Variants in PNMA6E observed in about 807,000 individuals in gnomAD.
PNMA6E encodes the protein PNMA family member 6E.
For synonymous variants in PNMA6E, 43 were observed against 17.1 expected (o/e 2.52, Z -3.74); for missense variants, 78 against 50.8 (o/e 1.53, Z -1.63).
Position 153,398,802 on chromosome X carries a change from G to A in PNMA6E, c.48C>T (p.Asn16=), listed in dbSNP as rs2088829633. 1.3e-5 allele frequency: 4 copies of A among 302,284 alleles called. No homozygotes were observed. The highest frequency in any genetic ancestry group is 9.4e-5 in the East Asian group (2 of 21,171). 24.9% of individuals were successfully genotyped at this position (302,284 alleles called of 1,213,427 possible). ...LRDWCRWMGA[N]AERSLLILGI... is the part of the protein sequence containing the mutation. ...CCAGGATGAGCAGGGAGCGCTCTGC[G>A]TTCGCACCCATCCACCTGCACCAGT... is the stretch of plus-strand genomic sequence containing the variant. The change falls in exon 2 of 2, where the codon AAC becomes AAT. Residue 16 remains asparagine, a synonymous_variant. Coordinates refer to ENST00000445091, the MANE Select transcript of PNMA6E (RefSeq NM_001367770.1).
the PNMA6E span, among the ~76,000 whole-genome samples, chrX:153,406,614 G>A: frequency 2.7e-5 from 3 of 112,973 alleles, no homozygotes; most frequent in African/African-American, 9.6e-5. Flanking sequence ...GGACCTCAGA[G>A]GGGTTTCATC....
the PNMA6E span, among the ~76,000 whole-genome samples, chrX:153,406,689 G>A: frequency 1.8e-5 from 2 of 113,029 alleles, no homozygotes; most frequent in Non-Finnish European, 3.7e-5. Context: ...TGCACGCACA[G>A]ACATGTATTT....
At position 153,397,067 on chromosome X, in the gene PNMA6E, T is replaced by C. The variant is rs981852904; in HGVS notation, c.1783A>G (p.Arg595Gly). 5 of 296,633 alleles carry C rather than the reference T, an allele frequency of 1.7e-5. No homozygotes were observed. The highest frequency in any genetic ancestry group is 4.8e-5 in the East Asian group (1 of 20,977). The allele number at this position is 296,633 out of a possible 1,213,427, so 24.4% of individuals were successfully genotyped here. A position where few individuals can be genotyped will look rare whatever the true frequency, so the allele number is the denominator to read the frequency against. ...RMSSAVWVFPRGLSWGPEGLI... is the reference protein window; with the variant it reads ...RMSSAVWVFPGGLSWGPEGLI... ...CCCTCTGGACCCCAGCTAAGACCTCTTGGGAACACCCAGACAGCACTGCTC... is the reference window on the plus strand; with the variant it reads ...CCCTCTGGACCCCAGCTAAGACCTCCTGGGAACACCCAGACAGCACTGCTC... The change falls in exon 2 of 2, where the codon AGA (arginine) becomes GGA (glycine). Residue 595 changes from arginine to glycine, a missense_variant. Arg to Gly is a moderately radical substitution (Grantham distance 125). Coordinates refer to ENST00000445091, the MANE Select transcript of PNMA6E (RefSeq NM_001367770.1).
At chrX:153,406,927 T>C in the PNMA6E span, among the ~76,000 whole-genome samples, 1 of 111,684 alleles carries the variant, frequency 9.0e-6, no homozygotes, top group Non-Finnish European at 1.9e-5. Flanking sequence ...ACACCGTGAA[T>C]GATGGGAGGT....
chrX:153,403,998 T>G (rs1425923231), upstream of PNMA6E: 1 of 93,206 alleles, frequency 1.1e-5, no homozygotes, highest in Non-Finnish European at 2.2e-5. Flanking sequence ...TTTTTTTTTT[T>G]ACACAGTGTC....
chrX:153,410,068 T>C, the PNMA6E span, among the ~76,000 whole-genome samples: 2 of 111,295 alleles, frequency 1.8e-5, no homozygotes, highest in Non-Finnish European at 3.8e-5. Flanking sequence ...GAGGCCGGAG[T>C]CCAGAATCGG....
chrX:153,403,328 T>C (rs2088862927), upstream of PNMA6E, among the ~76,000 whole-genome samples: 1 of 112,142 alleles, frequency 8.9e-6, no homozygotes, highest in Admixed American at 9.5e-5. Context: ...TTACTTCCAA[T>C]GTTGTTTTTC....
chrX:153,409,126 C>T, the PNMA6E span, among the ~76,000 whole-genome samples: 3 of 113,097 alleles, frequency 2.7e-5, no homozygotes, highest in Non-Finnish European at 5.6e-5. Flanking sequence ...AGCGCCCACT[C>T]CCCTGCCCCC....
rs2088828751 is a variant in PNMA6E, at chrX:153,398,706, C to G, written c.144G>C (p.Arg48Ser). Residue 48 changes from arginine to serine, a missense_variant, in exon 2 of 2, where the codon AGG becomes AGC. Transcript: ENST00000445091. ...TGAAGTGCTTGGTGAGTACTCGGTA[C>G]CTGCCCAGGGGCGACAGGGCAGCCC... ...AVRAALSPLG[R>S]YRVLTKHFRK... 1 of 311,802 alleles carries G rather than the reference C, an allele frequency of 3.2e-6. No homozygotes were observed. Among genetic ancestry groups the G allele is most frequent in the Non-Finnish European group, 5.6e-6 (1 of 179,526 alleles). The allele number at this position is 311,802 out of a possible 1,213,427, so 25.7% of individuals were successfully genotyped here.
At chrX:153,412,653 G>A in the PNMA6E span, among the ~76,000 whole-genome samples, 1 of 111,707 alleles carries the variant, frequency 9.0e-6, no homozygotes, top group Non-Finnish European at 1.9e-5. Flanking sequence ...TAGGCACAAG[G>A]AATCCCCTGT....
intron 1 of PNMA6E, among the ~76,000 whole-genome samples, chrX:153,399,873 T>C (rs1314030159): frequency 1.8e-5 from 2 of 112,339 alleles, no homozygotes; most frequent in Middle Eastern, 4.6e-3. Context: ...AATTTTCCTC[T>C]GACCACTTCC....
In PNMA6E at chrX:153,395,750, A is replaced by G. The variant is rs182729245; in HGVS notation, c.*1156T>C. On this transcript the variant is annotated 3_prime_UTR_variant, in exon 2 of 2. Coordinates refer to ENST00000445091, the MANE Select transcript of PNMA6E (RefSeq NM_001367770.1). ...ACAGCCACCACAGGACACAGGTCCC[A>G]GGCCCCCTCCTCCTGGGGTTCCTGG... 849 of 112,880 alleles carry G rather than the reference A, an allele frequency of 7.5e-3. 3 individuals are homozygous for G. Among genetic ancestry groups the G allele is most frequent in the Non-Finnish European group, 0.013 (666 of 53,080 alleles). 9.3% of individuals were successfully genotyped at this position (112,880 alleles called of 1,213,427 possible).
the PNMA6E span, among the ~76,000 whole-genome samples, chrX:153,409,861 G>A: frequency 6.2e-5 from 7 of 112,347 alleles, no homozygotes; most frequent in Admixed American, 9.3e-5. Flanking sequence ...AACAGGAGCT[G>A]CCTTCCCAAG....
intron 1 of PNMA6E, among the ~76,000 whole-genome samples, chrX:153,400,742 C>T (rs2088844257): frequency 9.1e-6 from 1 of 110,235 alleles, no homozygotes; most frequent in South Asian, 3.9e-4. Flanking sequence ...GGCTGGGCCG[C>T]CCTCCGTCCC....
the PNMA6E span, among the ~76,000 whole-genome samples, chrX:153,412,805 G>A: frequency 1.8e-5 from 2 of 111,708 alleles, no homozygotes; most frequent in African/African-American, 6.5e-5. Flanking sequence ...GGGCATCCCA[G>A]GGATAACTGT....
Position 153,395,903 on chromosome X carries a change from C to A in PNMA6E, c.*1003G>T, listed in dbSNP as rs1314372575. 9.0e-6 allele frequency: 1 copy of A among 111,619 alleles called. No homozygotes were observed. Among genetic ancestry groups the A allele is most frequent in the Admixed American group, 9.4e-5 (1 of 10,625 alleles). The allele number at this position is 111,619 out of a possible 1,213,427, so 9.2% of individuals were successfully genotyped here. ...GCAGTGTCCACTGGCTTCAGGGAGC[C>A]CCCTCCTGAGCCCATCCCTATGGCC... On this transcript the variant is annotated 3_prime_UTR_variant, in exon 2 of 2. Transcript: ENST00000445091.
At chrX:153,406,367 G>C (rs192790585), upstream of PNMA6E, among the ~76,000 whole-genome samples, 1 of 112,703 alleles carries the variant, frequency 8.9e-6, no homozygotes, top group Non-Finnish European at 1.9e-5. Context: ...GGGTGTATCT[G>C]ATTGGTAGAG....
chrX:153,409,966 T>C, the PNMA6E span, among the ~76,000 whole-genome samples: 103 of 112,357 alleles, frequency 9.2e-4, 1 homozygote, highest in East Asian at 0.023. Flanking sequence ...GGGCTCAGCC[T>C]ATTCCCTCGT....
chrX:153,403,591 CT>C (rs1413587882), upstream of PNMA6E, among the ~76,000 whole-genome samples: 1 of 111,571 alleles, frequency 9.0e-6, no homozygotes, highest in Non-Finnish European at 1.9e-5. Context: ...TATTTCTCTT[CT>C]GAAATTTCCT....
Sources: gnomAD v4.1 joint callset for allele counts (sites outside exome capture counted in the v4.1 genomes callset) on GRCh38, gnomAD v4.1.1 for gene constraint, MANE v1.5 for transcripts, NCBI Gene and HGNC (gene_info 2026-07-23, HGNC 2026-07-21) for gene names.